Variants in GRM5 observed in about 807,000 individuals in gnomAD.
The protein encoded by GRM5 is glutamate metabotropic receptor 5, also known as metabotropic glutamate receptor 5.
A neutral mutation model predicts 83.1 loss-of-function variants in GRM5; 19 were observed. The ratio of observed to expected loss-of-function variants is 0.23; its 90% CI spans 0.16 to 0.34. The LOEUF is 0.34. Among genes scored for constraint, GRM5 ranks in the 10% least tolerant of loss-of-function variants. The pLI is 1.00. For missense variants in GRM5, 1,160 were observed against 1,588.3 expected (o/e 0.73, Z 4.58); for synonymous variants, 675 against 633.6 (o/e 1.07, Z -0.98).
intron 2 of GRM5, among the ~76,000 whole-genome samples, chr11:88,964,373 T>A (rs1050947667): frequency 1.3e-5 from 2 of 150,840 alleles, no homozygotes; most frequent in African/African-American, 2.4e-5. Context: ...CACAGAGGGT[T>A]TTTTTTTTAA....
intron 3 of GRM5, among the ~76,000 whole-genome samples, chr11:88,751,082 A>AT (rs1486239628): frequency 6.8e-5 from 10 of 147,354 alleles, no homozygotes; most frequent in Admixed American, 2.1e-4. Context: ...CAAAAAAAAA[A>AT]AAAAAAAAAA....
intron 4 of GRM5, among the ~76,000 whole-genome samples, chr11:88,613,344 A>G (rs1288821690): frequency 1.3e-5 from 2 of 152,200 alleles, no homozygotes; most frequent in Non-Finnish European, 2.9e-5. Flanking sequence ...ATCTCTTCAT[A>G]GATCTCTAGA....
chr11:88,741,806 G>C (rs1337199323), intron 3 of GRM5, among the ~76,000 whole-genome samples: 1 of 152,018 alleles, frequency 6.6e-6, no homozygotes, highest in Non-Finnish European at 1.5e-5. Context: ...AGTTCTGGTG[G>C]TGTGTGTGGG....
Position 88,812,080 on chromosome 11 carries a change from C to T in GRM5, c.911+37826G>A, listed in dbSNP as rs140631886. Among the ~76,000 whole-genome samples the T allele has an allele frequency of 3.0e-4, 45 of 152,184 alleles. No homozygotes were observed. In the East Asian group the frequency reaches 7.1e-3, roughly 24 times the overall value. ...AAGGTGAAGTTAATTTCCCTTGCTTCGGAAGTTCTGTTTTATAAGTCTGAA... is the reference window on the plus strand; with the variant it reads ...AAGGTGAAGTTAATTTCCCTTGCTTTGGAAGTTCTGTTTTATAAGTCTGAA... On this transcript the variant is annotated intron_variant, in intron 3 of 9. Coordinates refer to ENST00000305447, the MANE Select transcript of GRM5 (RefSeq NM_001143831.3).
At chr11:88,808,560 T>C (rs1032022721) in intron 3 of GRM5, among the ~76,000 whole-genome samples, 2 of 152,004 alleles carry the variant, frequency 1.3e-5, no homozygotes, top group African/African-American at 4.8e-5. Context: ...TGAAAAAGTA[T>C]ATTTCCACAG....
intron 2 of GRM5, among the ~76,000 whole-genome samples, chr11:88,974,982 G>T (rs752229610): frequency 6.6e-6 from 1 of 152,142 alleles, no homozygotes. Context: ...TAATTGAGAA[G>T]ACTTATCATG....
chr11:88,619,844 C>G (rs1055396342), intron 4 of GRM5, among the ~76,000 whole-genome samples: 3 of 151,834 alleles, frequency 2.0e-5, no homozygotes. Flanking sequence ...GGAAGGGATC[C>G]AAGTATTTTC....
chr11:88,838,938 C>T (rs974641291), intron 3 of GRM5, among the ~76,000 whole-genome samples: 5 of 151,382 alleles, frequency 3.3e-5, no homozygotes, highest in Admixed American at 6.6e-5. Flanking sequence ...CACTTGCCTC[C>T]AAATTTAGGA....
intron 2 of GRM5, among the ~76,000 whole-genome samples, chr11:88,981,581 T>C (rs1939525150): frequency 6.6e-6 from 1 of 152,158 alleles, no homozygotes; most frequent in Non-Finnish European, 1.5e-5. Context: ...GATTTAGACA[T>C]TTATTAGTCA....
intron 2 of GRM5, among the ~76,000 whole-genome samples, chr11:88,994,797 G>A (rs1403017027): frequency 6.6e-6 from 1 of 151,680 alleles, no homozygotes; most frequent in Non-Finnish European, 1.5e-5. Flanking sequence ...GACTGGTGGG[G>A]GTTGAAGTTC....
rs11021028 is a variant in GRM5 at position 88,710,295 on chromosome 11, T to C, written c.912-56892A>G. ...AGAAAAAGAAAGGTCTAGAAAAAAA[T>C]AGTCTCCACCACATCCGTTAAATAT... On this transcript the variant is annotated intron_variant, in intron 3 of 9. Transcript: ENST00000305447. Among the ~76,000 whole-genome samples the C allele has an allele frequency of 1.6e-3, 250 of 152,078 alleles. 10 individuals are homozygous for C. The East Asian group carries it at 0.047, about 29-fold the overall frequency.
At chr11:88,639,034 C>T (rs1358526651) in intron 4 of GRM5, among the ~76,000 whole-genome samples, 1 of 152,030 alleles carries the variant, frequency 6.6e-6, no homozygotes, top group Non-Finnish European at 1.5e-5. Context: ...TTTTCTTTTA[C>T]AAATTTCTTG....
intron 9 of GRM5, among the ~76,000 whole-genome samples, chr11:88,519,482 C>T (rs1941619870): frequency 6.6e-6 from 1 of 152,006 alleles, no homozygotes; most frequent in Non-Finnish European, 1.5e-5. Context: ...CAGAATCAGA[C>T]TGAGTTGGGC....
intron 3 of GRM5, among the ~76,000 whole-genome samples, chr11:88,813,121 T>G (rs1039805363): frequency 6.6e-6 from 1 of 152,198 alleles, no homozygotes; most frequent in African/African-American, 2.4e-5. Context: ...TGCTTTAGTA[T>G]TCTAATGTCC....
intron 3 of GRM5, among the ~76,000 whole-genome samples, chr11:88,764,524 G>A (rs758962609): frequency 6.6e-6 from 1 of 151,550 alleles, no homozygotes; most frequent in Non-Finnish European, 1.5e-5. Context: ...CTACAAAAGA[G>A]TGAAATTAGA....
At chr11:88,765,325 A>G (rs1942606380) in intron 3 of GRM5, among the ~76,000 whole-genome samples, 2 of 150,554 alleles carry the variant, frequency 1.3e-5, no homozygotes, top group East Asian at 3.9e-4. Flanking sequence ...AAAAACTAAC[A>G]CCAATACTTC....
intron 8 of GRM5, among the ~76,000 whole-genome samples, chr11:88,563,587 C>G (rs765757358): frequency 6.6e-6 from 1 of 152,104 alleles, no homozygotes; most frequent in Admixed American, 6.6e-5. Flanking sequence ...AGGGCTGGGT[C>G]GAGCATGGTA....
At chr11:88,864,885 A>C (rs1944635378) in intron 2 of GRM5, among the ~76,000 whole-genome samples, 1 of 152,022 alleles carries the variant, frequency 6.6e-6, no homozygotes, top group African/African-American at 2.4e-5. Flanking sequence ...AGGGGTGTTG[A>C]ATTTCATCGA....
At chr11:89,057,756 TATTAC>T (rs1226548304) in intron 1 of GRM5, among the ~76,000 whole-genome samples, 6 of 152,192 alleles carry the variant, frequency 3.9e-5, no homozygotes, top group Non-Finnish European at 8.8e-5. Context: ...ATTATTTATA[TATTAC>T]ATTACATATC....
Sources: gnomAD v4.1 joint callset for allele counts (sites outside exome capture counted in the v4.1 genomes callset) on GRCh38, gnomAD v4.1.1 for gene constraint, MANE v1.5 for transcripts, NCBI Gene and HGNC (gene_info 2026-07-23, HGNC 2026-07-21) for gene names.